The following MATN2 variants were observed in gnomAD, a reference collection of about 807,000 sequenced individuals.
MATN2 encodes matrilin 2, also known as matrilin-2.
A neutral mutation model predicts 103.2 loss-of-function variants in MATN2; 69 were observed. The ratio of observed to expected loss-of-function variants is 0.67; its 90% CI spans 0.55 to 0.82. The LOEUF (loss-of-function observed/expected upper bound fraction) is 0.82, where lower values mean the gene tolerates loss of function less well. MATN2 is among the 40% of genes least tolerant of loss of function. MATN2 has a pLI of 0.00. For synonymous variants in MATN2, 429 were observed against 450.2 expected, an observed-to-expected ratio of 0.95 and a Z score of 0.60; for missense variants, 1,023 against 1,211.5, an observed-to-expected ratio of 0.84 and a Z score of 2.31.
intron 11 of MATN2, among the ~76,000 whole-genome samples, chr8:98,017,725 G>A (rs1197297242): frequency 6.6e-6 from 1 of 152,226 alleles, no homozygotes; most frequent in Non-Finnish European, 1.5e-5. Context: ...CAGAAACTAT[G>A]TCTACAGAAA....
intron 10 of MATN2, among the ~76,000 whole-genome samples, chr8:98,009,727 G>C (rs1404163365): frequency 6.6e-6 from 1 of 152,194 alleles, no homozygotes; most frequent in African/African-American, 2.4e-5. Context: ...CACAGACTCA[G>C]GGTGTGGGGG....
intron 2 of MATN2, among the ~76,000 whole-genome samples, chr8:97,901,518 G>A (rs1563655358): frequency 6.6e-6 from 1 of 152,194 alleles, no homozygotes; most frequent in African/African-American, 2.4e-5. Context: ...CTCCCAAAGT[G>A]CTGTGATTAC....
chr8:97,914,692 C>A (rs1809564291), intron 2 of MATN2, among the ~76,000 whole-genome samples: 1 of 152,056 alleles, frequency 6.6e-6, no homozygotes, highest in Non-Finnish European at 1.5e-5. Flanking sequence ...ACATGCCGTC[C>A]ACCCACATGG....
At chr8:97,946,187 C>T (rs1810747443) in intron 4 of MATN2, among the ~76,000 whole-genome samples, 1 of 152,146 alleles carries the variant, frequency 6.6e-6, no homozygotes, top group African/African-American at 2.4e-5. Context: ...TCTTCACTGT[C>T]CAGGTAACCC....
At chr8:98,026,240 C>G (rs1310637340) in intron 13 of MATN2, among the ~76,000 whole-genome samples, 1 of 139,704 alleles carries the variant, frequency 7.2e-6, no homozygotes, top group Non-Finnish European at 1.6e-5. Context: ...ATGGTGATAA[C>G]TTTTTTTTTA....
intron 2 of MATN2, among the ~76,000 whole-genome samples, chr8:97,901,552 C>T (rs1025657971): frequency 6.6e-6 from 1 of 152,174 alleles, no homozygotes; most frequent in Non-Finnish European, 1.5e-5. Context: ...TGCACCCGGC[C>T]CTGATATACT....
intron 6 of MATN2, among the ~76,000 whole-genome samples, chr8:97,992,745 C>CAAAAAAAAAAAAAAAAAAAAA (rs58985201): frequency 1.6e-4 from 8 of 49,576 alleles, no homozygotes; most frequent in Admixed American, 2.8e-4. Flanking sequence ...GACTCCATCT[C>CAAAAAAAAAAAAAAAAAAAAA]AAAAAAAAAA....
chr8:97,991,764 A>G (rs1586132035), intron 6 of MATN2, among the ~76,000 whole-genome samples: 2 of 151,980 alleles, frequency 1.3e-5, no homozygotes, highest in African/African-American at 2.4e-5. Context: ...GGGTCTTGCT[A>G]TGTTGCTCAG....
chr8:98,001,768 G>A (rs1812794272), intron 7 of MATN2, among the ~76,000 whole-genome samples: 1 of 151,078 alleles, frequency 6.6e-6, no homozygotes. Flanking sequence ...ATGAGCCACT[G>A]TGCCTGGCCA....
intron 16 of MATN2, 105 bp from the exon 17 acceptor site, chr8:98,032,937 C>A (rs1360678962): frequency 2.8e-6 from 3 of 1,056,940 alleles, no homozygotes; most frequent in Non-Finnish European, 3.9e-6. Context: ...CAAAGTAAAG[C>A]TCTGTACCAA....
chr8:98,006,445 A>C (rs531458851), intron 8 of MATN2, among the ~76,000 whole-genome samples: 13 of 152,338 alleles, frequency 8.5e-5, no homozygotes, highest in Admixed American at 5.9e-4. Context: ...ATAAGAAAGC[A>C]ACCATCAACA....
At chr8:97,896,804 A>G (rs1313019747) in intron 2 of MATN2, among the ~76,000 whole-genome samples, 1 of 150,972 alleles carries the variant, frequency 6.6e-6, no homozygotes, top group Non-Finnish European at 1.5e-5. Flanking sequence ...AGGGCTGGAC[A>G]GTGGGATCAG....
chr8:97,988,189 T>TATATATATATACACACACAC (rs71570279), intron 6 of MATN2, among the ~76,000 whole-genome samples: 3 of 54,970 alleles, frequency 5.5e-5, no homozygotes, highest in East Asian at 2.8e-4. Context: ...TATATATATA[T>TATATATATATACACACACAC]ACACACACAC....
intron 6 of MATN2, among the ~76,000 whole-genome samples, chr8:97,988,219 CATAT>C (rs60086528): frequency 8.8e-5 from 11 of 124,344 alleles, no homozygotes; most frequent in African/African-American, 2.3e-4. Context: ...TACACACATA[CATAT>C]ATATATATAT....
intron 4 of MATN2, among the ~76,000 whole-genome samples, chr8:97,960,403 G>GT (rs35938779): frequency 0.2 from 30,915 of 152,124 alleles, 3,601 homozygotes; most frequent in South Asian, 0.37. Context: ...GGGAAATAGT[G>GT]TTAGAGACTG....
intron 2 of MATN2, among the ~76,000 whole-genome samples, chr8:97,907,189 C>T (rs1300417537): frequency 6.6e-6 from 1 of 151,186 alleles, no homozygotes; most frequent in Non-Finnish European, 1.5e-5. Context: ...TTGGTAGAGA[C>T]GGGGTTTCAC....
At chr8:97,966,008 C>T (rs1234171628) in intron 5 of MATN2, among the ~76,000 whole-genome samples, 2 of 151,440 alleles carry the variant, frequency 1.3e-5, no homozygotes, top group Non-Finnish European at 2.9e-5. Context: ...AAATATTAGC[C>T]AAGCATGTTG....
chr8:98,027,587 C>G lies in MATN2; in HGVS notation c.2114C>G (p.Thr705Arg), dbSNP rs371472415. The G allele has an allele frequency of 1.1e-5, 18 of 1,613,774 alleles. No individual in the cohort carries two copies. The African/African-American group carries it at 1.9e-4, about 17-fold the overall frequency. Residue 705 changes from threonine to arginine, a missense_variant, in exon 14 of 19, where the codon ACA becomes AGA. By Grantham distance (71) the Thr-to-Arg change is moderately conservative. Coordinates refer to ENST00000254898, the MANE Select transcript of MATN2 (RefSeq NM_002380.5). ...CTCCAGTATTCCACACAGGTCCACA[C>G]AGAGTTCACTCTGAGAAACTTCAAC... ...GLLQYSTQVH[T>R]EFTLRNFNSA...
intron 18 of MATN2, among the ~76,000 whole-genome samples, chr8:98,035,451 A>G (rs1386503881): frequency 6.6e-6 from 1 of 152,052 alleles, no homozygotes; most frequent in Non-Finnish European, 1.5e-5. Flanking sequence ...TAAAAAAAAA[A>G]AAACCCAAAA....
Sources: gnomAD v4.1 joint callset for allele counts (sites outside exome capture counted in the v4.1 genomes callset) on GRCh38, gnomAD v4.1.1 for gene constraint, MANE v1.5 for transcripts, NCBI Gene and HGNC (gene_info 2026-07-23, HGNC 2026-07-21) for gene names.